SHISAL1: variants seen among roughly 807,000 people sequenced by gnomAD.
SHISAL1 encodes shisa like 1.
Under a neutral mutation model 22.6 loss-of-function variants are expected in SHISAL1, and 9 were observed. That is an observed-to-expected ratio of 0.40 (90% CI 0.24 to 0.70). The LOEUF (loss-of-function observed/expected upper bound fraction) is 0.70, where lower values mean the gene tolerates loss of function less well. SHISAL1 is among the 30% of genes least tolerant of loss of function. The pLI, the probability that SHISAL1 is intolerant of heterozygous loss-of-function variation, is 0.39. For synonymous variants in SHISAL1, 119 were observed against 115.4 expected, an observed-to-expected ratio of 1.03 and a Z score of -0.20; for missense variants, 246 against 270.6, an observed-to-expected ratio of 0.91 and a Z score of 0.64.
chr22:44,252,298 G>A (rs2055053431), intron 4 of SHISAL1, among the ~76,000 whole-genome samples: 2 of 152,168 alleles, frequency 1.3e-5, no homozygotes, highest in Non-Finnish European at 2.9e-5. Flanking sequence ...TGATAGCAGG[G>A]AGACAAGAGG....
At chr22:44,257,734 A>G (rs1441548045) in intron 4 of SHISAL1, among the ~76,000 whole-genome samples, 1 of 152,244 alleles carries the variant, frequency 6.6e-6, no homozygotes, top group Non-Finnish European at 1.5e-5. Context: ...TGCTCAGCAG[A>G]CGATCCAGCA....
chr22:44,304,684 C>T (rs1436302272), intron 1 of SHISAL1, among the ~76,000 whole-genome samples: 1 of 152,200 alleles, frequency 6.6e-6, no homozygotes, highest in Non-Finnish European at 1.5e-5. Context: ...TCTGGGAGTG[C>T]TCAGGAATGG....
At chr22:44,324,506 T>C in the SHISAL1 span, among the ~76,000 whole-genome samples, 17 of 152,212 alleles carry the variant, frequency 1.1e-4, no homozygotes, top group African/African-American at 4.1e-4. Context: ...ACAAAGTTGT[T>C]AACAGTATCA....
chr22:44,289,723 C>T (rs1237976409), intron 3 of SHISAL1, among the ~76,000 whole-genome samples: 6 of 152,222 alleles, frequency 3.9e-5, no homozygotes, highest in Admixed American at 6.5e-5. Flanking sequence ...TGGCCTGCCA[C>T]GGCTGGCCCT....
In SHISAL1 at chr22:44,285,663, C is replaced by A; in HGVS notation, c.364G>T (p.Ala122Ser). The A allele has an allele frequency of 6.2e-7, 1 of 1,614,160 alleles. No individual in the cohort carries two copies. The highest frequency in any genetic ancestry group is 8.5e-7 in the Non-Finnish European group (1 of 1,180,000). ...LLVLDLLYYS[A>S]MNYDICKVYL... ...ACCTTGCAGATGTCGTAGTTCATTGCCGAGTAATACAAAAGGTCCAGAACC... is the reference window on the plus strand; with the variant it reads ...ACCTTGCAGATGTCGTAGTTCATTGACGAGTAATACAAAAGGTCCAGAACC... The change falls in exon 4 of 5, where the codon GCA becomes TCA. Residue 122 changes from alanine to serine, a missense_variant. Physicochemically the swap from Ala to Ser is moderately conservative, Grantham distance 99 (BLOSUM62 1). Coordinates refer to ENST00000381176, the MANE Select transcript of SHISAL1 (RefSeq NM_001099294.2).
chr22:44,318,376 G>C, the SHISAL1 span, among the ~76,000 whole-genome samples: 1 of 152,268 alleles, frequency 6.6e-6, no homozygotes, highest in East Asian at 1.9e-4. Flanking sequence ...AAGTATTTAT[G>C]AAAGTGCTTT....
chr22:44,309,158 C>T (rs549666465), intron 1 of SHISAL1, among the ~76,000 whole-genome samples: 1 of 152,330 alleles, frequency 6.6e-6, no homozygotes, highest in South Asian at 2.1e-4. Flanking sequence ...CGGTTTCTCT[C>T]CTGGTCGCCA....
At chr22:44,331,417 C>A in the SHISAL1 span, among the ~76,000 whole-genome samples, 4 of 151,434 alleles carry the variant, frequency 2.6e-5, no homozygotes, top group African/African-American at 9.7e-5. This position sits in a 1 kb window ranked among gnomAD's most constrained non-coding sequence, Gnocchi z 5.2. Flanking sequence ...CCCCTTTCCC[C>A]GCCGCTCTCG....
chr22:44,300,109 A>T (rs1243168475), intron 2 of SHISAL1, among the ~76,000 whole-genome samples: 1 of 145,872 alleles, frequency 6.9e-6, no homozygotes, highest in Non-Finnish European at 1.5e-5. Context: ...AGAGAGACAG[A>T]CAGAGAGACA....
chr22:44,256,932 CT>C (rs531572950), intron 4 of SHISAL1, among the ~76,000 whole-genome samples: 81 of 152,316 alleles, frequency 5.3e-4, no homozygotes, highest in African/African-American at 1.9e-3. Context: ...GAAAGAGAAA[CT>C]GTCAAATAGC....
chr22:44,317,216 G>A (rs1054836062), upstream of SHISAL1, among the ~76,000 whole-genome samples: 2 of 152,198 alleles, frequency 1.3e-5, no homozygotes, highest in African/African-American at 2.4e-5. Flanking sequence ...GGGCGGGTGC[G>A]ATTCAGCTCC....
chr22:44,323,448 C>T, the SHISAL1 span, among the ~76,000 whole-genome samples: 2 of 138,060 alleles, frequency 1.4e-5, no homozygotes, highest in Admixed American at 1.4e-4. Flanking sequence ...CATCAACCAT[C>T]CATCCATCCA....
intron 2 of SHISAL1, among the ~76,000 whole-genome samples, 166 bp downstream of exon 2, chr22:44,300,713 A>G (rs1376755325): frequency 6.6e-6 from 1 of 152,154 alleles, no homozygotes; most frequent in Non-Finnish European, 1.5e-5. Context: ...GAGACCAACC[A>G]CACAGCAACC....
At chr22:44,274,585 G>A (rs542017461) in intron 4 of SHISAL1, among the ~76,000 whole-genome samples, 12 of 152,240 alleles carry the variant, frequency 7.9e-5, no homozygotes, top group African/African-American at 2.6e-4. Context: ...TAAACGCCCC[G>A]CTGTAGGGAA....
intron 1 of SHISAL1, among the ~76,000 whole-genome samples, chr22:44,309,570 G>A (rs1049856513): frequency 1.6e-4 from 25 of 152,098 alleles, no homozygotes; most frequent in African/African-American, 5.6e-4. Flanking sequence ...TGGAGAATGT[G>A]GGGCTCGGAG....
At chr22:44,318,411 G>C in the SHISAL1 span, among the ~76,000 whole-genome samples, 1 of 152,258 alleles carries the variant, frequency 6.6e-6, no homozygotes, top group South Asian at 2.1e-4. Context: ...AATCGGGACT[G>C]GGATGGCAAG....
upstream of SHISAL1, among the ~76,000 whole-genome samples, chr22:44,313,655 A>T (rs372809804): frequency 6.6e-4 from 100 of 152,208 alleles, no homozygotes; most frequent in African/African-American, 2.3e-3. Flanking sequence ...CTCTGCAGCC[A>T]CACTTCCTGG....
upstream of SHISAL1, among the ~76,000 whole-genome samples, chr22:44,317,782 C>T (rs1304519747): frequency 1.3e-5 from 2 of 152,262 alleles, no homozygotes; most frequent in Non-Finnish European, 1.5e-5. Flanking sequence ...AAGTCCTCTC[C>T]GTCCTCCCCC....
At chr22:44,324,036 G>A in the SHISAL1 span, among the ~76,000 whole-genome samples, 3 of 152,218 alleles carry the variant, frequency 2.0e-5, no homozygotes, top group Admixed American at 6.5e-5. Context: ...ACACAGCCAG[G>A]AGGAGTGGAG....
Sources: allele counts gnomAD v4.1 joint callset (sites outside exome capture counted in the v4.1 genomes callset), GRCh38; gene constraint gnomAD v4.1.1; non-coding constraint Gnocchi (gnomAD v3.1); transcripts MANE v1.5; gene names NCBI Gene and HGNC (gene_info 2026-07-23, HGNC 2026-07-21).